Variants in LRMDA observed in about 807,000 individuals in gnomAD.
LRMDA encodes the protein leucine-rich melanocyte differentiation-associated protein.
A neutral mutation model predicts 29.8 loss-of-function variants in LRMDA; 18 were observed. That is an observed-to-expected ratio of 0.60 (90% CI 0.42 to 0.90). The LOEUF is 0.90. Among genes scored for constraint, LRMDA ranks in the 40% least tolerant of loss-of-function variants. The pLI is 0.00. For synonymous variants in LRMDA, 125 were observed against 109.4 expected (o/e 1.14, Z -0.89); for missense variants, 273 against 273.9 (o/e 1.00, Z 0.02).
intron 6 of LRMDA, among the ~76,000 whole-genome samples, chr10:76,532,363 C>T (rs1444219062): frequency 6.6e-6 from 1 of 152,154 alleles, no homozygotes; most frequent in African/African-American, 2.4e-5. Flanking sequence ...ACCTTCTGGG[C>T]CTTCTGTTTG....
intron 5 of LRMDA, among the ~76,000 whole-genome samples, chr10:76,220,577 G>A (rs1439282563): frequency 1.3e-5 from 2 of 152,172 alleles, no homozygotes; most frequent in Non-Finnish European, 2.9e-5. Context: ...CCAGAAAGAA[G>A]TTGAATCTCT....
intron 2 of LRMDA, among the ~76,000 whole-genome samples, chr10:75,890,933 A>G (rs183655184): frequency 4.5e-4 from 68 of 152,180 alleles, no homozygotes; most frequent in Non-Finnish European, 5.3e-4. Context: ...GGTGAAACCC[A>G]TCTCTACTAA....
intron 6 of LRMDA, among the ~76,000 whole-genome samples, chr10:76,448,509 C>T (rs984529303): frequency 2.0e-5 from 3 of 151,986 alleles, no homozygotes; most frequent in Non-Finnish European, 4.4e-5. Context: ...ATTCTCTAGC[C>T]AGTACTAGGT....
intron 5 of LRMDA, among the ~76,000 whole-genome samples, chr10:76,151,615 C>T (rs952762210): frequency 6.6e-6 from 1 of 152,106 alleles, no homozygotes; most frequent in African/African-American, 2.4e-5. Flanking sequence ...GCTCATTGGC[C>T]AGGGCCCTGT....
intron 2 of LRMDA, among the ~76,000 whole-genome samples, chr10:75,854,056 T>C (rs1158067542): frequency 6.6e-6 from 1 of 152,186 alleles, no homozygotes; most frequent in East Asian, 1.9e-4. Context: ...CTCATTCATC[T>C]AGCTTGCGTT....
chr10:75,626,915 C>T (rs1022191807), intron 2 of LRMDA, among the ~76,000 whole-genome samples: 1 of 152,312 alleles, frequency 6.6e-6, no homozygotes, highest in African/African-American at 2.4e-5. Flanking sequence ...AGTTGTTGCT[C>T]CAGCCATCGG....
chr10:76,221,962 CCA>C, intron 5 of LRMDA, among the ~76,000 whole-genome samples: 1 of 151,740 alleles, frequency 6.6e-6, no homozygotes, highest in South Asian at 2.1e-4. Context: ...AGAAATAACG[CCA>C]CGTATCTACA....
chr10:76,155,979 TA>T (rs891711226), intron 5 of LRMDA, among the ~76,000 whole-genome samples: 38 of 152,174 alleles, frequency 2.5e-4, no homozygotes, highest in African/African-American at 8.4e-4. Flanking sequence ...ATTGTGTTCT[TA>T]AAACAAAAGA....
chr10:75,707,583 C>T (rs1842384690), intron 2 of LRMDA, among the ~76,000 whole-genome samples: 1 of 152,218 alleles, frequency 6.6e-6, no homozygotes, highest in Non-Finnish European at 1.5e-5. Flanking sequence ...ACTCAGCCTT[C>T]ATCTTGCCTG....
chr10:75,996,598 A>T (rs913982981), intron 2 of LRMDA, among the ~76,000 whole-genome samples: 6 of 152,248 alleles, frequency 3.9e-5, no homozygotes, highest in Admixed American at 1.3e-4. Context: ...TAGCAATAAC[A>T]CAGTCACTTG....
intron 2 of LRMDA, among the ~76,000 whole-genome samples, chr10:75,590,333 A>G (rs1441828428): frequency 6.6e-6 from 1 of 152,092 alleles, no homozygotes; most frequent in Non-Finnish European, 1.5e-5. Context: ...GCTGATTTTT[A>G]TGCAATTGAA....
chr10:75,917,075 T>G (rs753630734), intron 2 of LRMDA, among the ~76,000 whole-genome samples: 1 of 152,184 alleles, frequency 6.6e-6, no homozygotes, highest in African/African-American at 2.4e-5. Flanking sequence ...CTAGCAACAG[T>G]TTGCTGTGTA....
At chr10:76,369,164 G>T (rs1841425388) in intron 6 of LRMDA, among the ~76,000 whole-genome samples, 1 of 151,984 alleles carries the variant, frequency 6.6e-6, no homozygotes, top group Admixed American at 6.6e-5. Flanking sequence ...CCATGTACTT[G>T]GTTTTTTGTT....
At chr10:75,606,126 A>G (rs995916160) in intron 2 of LRMDA, among the ~76,000 whole-genome samples, 2 of 152,148 alleles carry the variant, frequency 1.3e-5, no homozygotes, top group Admixed American at 6.5e-5. Flanking sequence ...CCAAAGTGCT[A>G]GGATTACAGG....
intron 5 of LRMDA, among the ~76,000 whole-genome samples, chr10:76,276,898 T>C (rs571003096): frequency 1.1e-3 from 168 of 152,234 alleles, no homozygotes; most frequent in Non-Finnish European, 2.0e-3. Flanking sequence ...CCTCTTGATC[T>C]GTCTGTGCCT....
intron 2 of LRMDA, among the ~76,000 whole-genome samples, chr10:75,670,168 T>A (rs1841873443): frequency 6.6e-6 from 1 of 152,238 alleles, no homozygotes; most frequent in Non-Finnish European, 1.5e-5. Context: ...TGGCTACTTG[T>A]TCTCAGAATA....
chr10:75,502,155 G>A (rs1370801704), intron 2 of LRMDA, among the ~76,000 whole-genome samples: 3 of 152,156 alleles, frequency 2.0e-5, no homozygotes, highest in Non-Finnish European at 4.4e-5. Context: ...ACTCTTAACT[G>A]TCTTAGCCCA....
At chr10:76,365,107 T>TATATGTACACAC (rs141131236) in intron 6 of LRMDA, among the ~76,000 whole-genome samples, 1 of 61,202 alleles carries the variant, frequency 1.6e-5, no homozygotes, top group Non-Finnish European at 4.3e-5. Context: ...TATATATATA[T>TATATGTACACAC]ACACACACAC....
At chr10:76,238,789 A>G (rs1852211691) in intron 5 of LRMDA, among the ~76,000 whole-genome samples, 1 of 129,362 alleles carries the variant, frequency 7.7e-6, no homozygotes, top group Non-Finnish European at 1.6e-5. Context: ...ATTTTCCAAA[A>G]GTTGTTTCTT....
Sources: allele counts gnomAD v4.1 joint callset (sites outside exome capture counted in the v4.1 genomes callset), GRCh38; gene constraint gnomAD v4.1.1; transcripts MANE v1.5; gene names NCBI Gene and HGNC (gene_info 2026-07-23, HGNC 2026-07-21).